The following ABCC3 variants were observed in gnomAD, a reference collection of about 807,000 sequenced individuals.
ABCC3 encodes ATP-binding cassette sub-family C member 3.
In ABCC3, 121 loss-of-function variants were observed where a neutral mutation model predicts 165.3. That is an observed-to-expected ratio of 0.73 (90% CI 0.63 to 0.85). The LOEUF is 0.85. Among genes scored for constraint, ABCC3 ranks in the 40% least tolerant of loss-of-function variants. ABCC3 has a pLI of 0.00. For synonymous variants in ABCC3, 733 were observed against 810.1 expected, an observed-to-expected ratio of 0.90 and a Z score of 1.62; for missense variants, 1,869 against 1,964.1, an observed-to-expected ratio of 0.95 and a Z score of 0.92.
intron 1 of ABCC3, among the ~76,000 whole-genome samples, chr17:50,647,975 G>A (rs1324147861): frequency 6.6e-6 from 1 of 152,038 alleles, no homozygotes; most frequent in African/African-American, 2.4e-5. Flanking sequence ...AGAGGCGGAG[G>A]TTGCTGTGAG....
intron 19 of ABCC3, among the ~76,000 whole-genome samples, chr17:50,673,996 C>T (rs1386083133): frequency 0.46 from 6,032 of 12,994 alleles, 884 homozygotes; most frequent in South Asian, 0.58. Flanking sequence ...CTCTCTCTCT[C>T]TCTCTCTCTC....
intron 30 of ABCC3, 133 bp from the exon 31 acceptor site, chr17:50,690,958 TG>T: frequency 3.2e-6 from 2 of 634,896 alleles, no homozygotes; most frequent in Non-Finnish European, 5.7e-6. Flanking sequence ...AGTGTGCACA[TG>T]TGGTGCGGTG....
chr17:50,645,668 A>G (rs1197335409), intron 1 of ABCC3, among the ~76,000 whole-genome samples: 2 of 151,936 alleles, frequency 1.3e-5, no homozygotes, highest in Non-Finnish European at 1.5e-5. Flanking sequence ...TGGCATAATC[A>G]TGGCTCACTG....
In ABCC3 at chr17:50,669,262, T is replaced by A; in HGVS notation, c.2060T>A (p.Met687Lys). ...EMEKLEGKVH[M>K]KGSVAYVPQQ... Reference sequence around the variant, plus strand: ...GAGAAGCTAGAAGGCAAAGTGCACATGAAGGTGAGAGAGGCAGGGGCTCCT... The same window carrying A: ...GAGAAGCTAGAAGGCAAAGTGCACAAGAAGGTGAGAGAGGCAGGGGCTCCT... Residue 687 changes from methionine (M) to lysine (K), a missense_variant, in exon 16 of 31, where the codon ATG becomes AAG. Physicochemically the swap from Met to Lys is moderately conservative, Grantham distance 95. Transcript: ENST00000285238. 1 of 1,613,974 alleles carries A rather than the reference T, an allele frequency of 6.2e-7. No homozygotes were observed.
intron 7 of ABCC3, among the ~76,000 whole-genome samples, chr17:50,659,804 G>A (rs777270909): frequency 7.9e-5 from 12 of 152,276 alleles, no homozygotes; most frequent in Non-Finnish European, 1.8e-4. Context: ...GGGCAATATA[G>A]TGAGACCTTG....
At chr17:50,673,803 T>G (rs12451302) in intron 19 of ABCC3, 145 bp downstream of exon 19, 403,147 of 732,614 alleles carry the variant, frequency 0.55, 112,757 homozygotes, top group East Asian at 0.71. Context: ...TCACCAGAGG[T>G]AAAGTAAACT....
rs371734426 is a variant in ABCC3 at position 50,656,784 on chromosome 17, C to G, written c.305C>G (p.Ala102Gly). 3.1e-6 allele frequency: 5 copies of G among 1,613,678 alleles called. No individual in the cohort carries two copies. Among genetic ancestry groups the G allele is most frequent in the Non-Finnish European group, 4.2e-6 (5 of 1,179,914 alleles). ...GGCCTGGTCCATGGCCGGGCCCCTG[C>G]CCCTGTTTTCTTTGTCACCCCCTTG... is the stretch of plus-strand genomic sequence containing the variant. ...FHGLVHGRAP[A>G]PVFFVTPLVV... The change falls in exon 3 of 31, where the codon GCC (alanine) becomes GGC (glycine). Residue 102 changes from alanine to glycine, a missense_variant. Coordinates refer to ENST00000285238, the MANE Select transcript of ABCC3 (RefSeq NM_003786.4).
In ABCC3 at chr17:50,677,876, G is replaced by C. The variant is rs749327914; in HGVS notation, c.3511G>C (p.Glu1171Gln). 23 of 1,614,054 alleles carry C rather than the reference G, an allele frequency of 1.4e-5. No homozygotes were observed. Among genetic ancestry groups the C allele is most frequent in the Non-Finnish European group, 1.9e-5 (23 of 1,180,034 alleles). The change falls in exon 24 of 31, where the codon GAG (glutamate) becomes CAG (glutamine). Residue 1171 changes from glutamate to glutamine, a missense_variant. Glu to Gln is a conservative substitution (Grantham distance 29, BLOSUM62 2). Coordinates refer to ENST00000285238, the MANE Select transcript of ABCC3 (RefSeq NM_003786.4). ...GGCCTACAACCGCAGCCGGGATTTT[G>C]AGATCATCAGTGATACTAAGGTGGA... ...IRAYNRSRDFEIISDTKVDAN... is the reference protein window; with the variant it reads ...IRAYNRSRDFQIISDTKVDAN...
intron 1 of ABCC3, among the ~76,000 whole-genome samples, chr17:50,639,528 C>A (rs1267545136): frequency 1.3e-5 from 2 of 152,094 alleles, no homozygotes; most frequent in African/African-American, 4.8e-5. Context: ...GCTGAGCCAC[C>A]CCGGAGTAGG....
intron 23 of ABCC3, among the ~76,000 whole-genome samples, 170 bp downstream of exon 23, chr17:50,676,758 A>C (rs1483406484): frequency 6.6e-6 from 1 of 152,192 alleles, no homozygotes; most frequent in Non-Finnish European, 1.5e-5. Flanking sequence ...AACCTCTTTG[A>C]AACTCATTTG....
rs770073679 is a variant in ABCC3, at chr17:50,660,999, C to G, written c.883C>G (p.Arg295Gly). 6.2e-7 allele frequency: 1 copy of G among 1,614,054 alleles called. No homozygotes were observed. Among genetic ancestry groups the G allele is most frequent in the Non-Finnish European group, 8.5e-7 (1 of 1,179,968 alleles). Reference sequence around the variant, plus strand: ...GCTGCTGGGTGCCCGGCCCAGGCCCCGGAAGCCCTCCTTCCTGAAGGCCCT... The same window carrying G: ...GCTGCTGGGTGCCCGGCCCAGGCCCGGGAAGCCCTCCTTCCTGAAGGCCCT... ...EVLLGARPRPRKPSFLKALLA... is the reference protein window; with the variant it reads ...EVLLGARPRPGKPSFLKALLA... Residue 295 changes from arginine (R) to glycine (G), a missense_variant, in exon 8 of 31, where the codon CGG (arginine) becomes GGG (glycine). Physicochemically the swap from Arg to Gly is moderately radical, Grantham distance 125 (BLOSUM62 -2). Coordinates refer to ENST00000285238, the MANE Select transcript of ABCC3 (RefSeq NM_003786.4).
chr17:50,668,782 C>T, intron 14 of ABCC3, 71 bp from the exon 15 acceptor site: 3 of 1,340,540 alleles, frequency 2.2e-6, no homozygotes, highest in Non-Finnish European at 3.2e-6. Flanking sequence ...TTCCCCTGCC[C>T]CCCAGCCTCC....
chr17:50,683,026 A>G (rs541753049), intron 26 of ABCC3, among the ~76,000 whole-genome samples: 4 of 152,244 alleles, frequency 2.6e-5, no homozygotes, highest in African/African-American at 9.6e-5. Flanking sequence ...CAACACAGCG[A>G]GACACAGTCT....
In ABCC3 at chr17:50,683,740, T is replaced by C; in HGVS notation, c.3938T>C (p.Val1313Ala). The C allele has an allele frequency of 6.2e-7, 1 of 1,606,492 alleles. No homozygotes were observed. Among genetic ancestry groups the C allele is most frequent in the African/African-American group, 1.3e-5 (1 of 74,446 alleles). Residue 1313 changes from valine (V) to alanine (A), a missense_variant, in exon 27 of 31, where the codon GTG (valine) becomes GCG (alanine). By Grantham distance (64) the Val-to-Ala change is moderately conservative (BLOSUM62 0). Coordinates refer to ENST00000285238, the MANE Select transcript of ABCC3 (RefSeq NM_003786.4). ...DLVLRDLSLH[V>A]HGGEKVGIVG... Reference sequence around the variant, plus strand: ...GTGCTGAGAGACCTGAGTCTGCATGTGCACGGTGGCGAGAAGGTACGCGTG... The same window carrying C: ...GTGCTGAGAGACCTGAGTCTGCATGCGCACGGTGGCGAGAAGGTACGCGTG...
Position 50,669,359 on chromosome 17 carries a change from T to G in ABCC3, c.2072T>G (p.Val691Gly), listed in dbSNP as rs771693783. The G allele has an allele frequency of 3.1e-6, 5 of 1,614,140 alleles. No homozygotes were observed. The South Asian group carries it at 5.5e-5, about 18-fold the overall frequency. ...AATTTCTCCTGTGGCCAGGGCTCCGTGGCCTATGTGCCCCAGCAGGCATGG... is the reference window on the plus strand; with the variant it reads ...AATTTCTCCTGTGGCCAGGGCTCCGGGGCCTATGTGCCCCAGCAGGCATGG... ...LEGKVHMKGS[V>G]AYVPQQAWIQ... Residue 691 changes from valine to glycine, a missense_variant, in exon 17 of 31, where the codon GTG (valine) becomes GGG (glycine). Coordinates refer to ENST00000285238, the MANE Select transcript of ABCC3 (RefSeq NM_003786.4).
chr17:50,643,846 T>TG (rs59780465), intron 1 of ABCC3, among the ~76,000 whole-genome samples: 11,383 of 149,404 alleles, frequency 0.076, 753 homozygotes, highest in East Asian at 0.2. Flanking sequence ...GGAGATGCCA[T>TG]GGGGGGGGTC....
At chr17:50,682,422 A>C (rs920638252) in intron 26 of ABCC3, among the ~76,000 whole-genome samples, 14 of 150,606 alleles carry the variant, frequency 9.3e-5, no homozygotes, top group Non-Finnish European at 1.6e-4. Flanking sequence ...TCTTAATCAG[A>C]GTTAAAAAAA....
At chr17:50,635,008 G>T in intron 1 of ABCC3, 27 bp downstream of exon 1, 1 of 1,255,580 alleles carries the variant, frequency 8.0e-7, no homozygotes, top group Middle Eastern at 3.0e-4. Flanking sequence ...CGGGGTCACT[G>T]CGCGGGGGCC....
At chr17:50,636,631 C>T (rs984138268) in intron 1 of ABCC3, among the ~76,000 whole-genome samples, 1 of 152,174 alleles carries the variant, frequency 6.6e-6, no homozygotes. Context: ...CCTGGGATGC[C>T]AAACAGAAAA....
Sources: gnomAD v4.1 joint callset for allele counts (sites outside exome capture counted in the v4.1 genomes callset) on GRCh38, gnomAD v4.1.1 for gene constraint, MANE v1.5 for transcripts, NCBI Gene and HGNC (gene_info 2026-07-23, HGNC 2026-07-21) for gene names.